The following TRPM3 variants were observed in gnomAD, a reference collection of about 807,000 sequenced individuals.
TRPM3 encodes the protein transient receptor potential cation channel subfamily M member 3, also known as long transient receptor potential channel 3.
Under a neutral mutation model 181.2 loss-of-function variants are expected in TRPM3, and 77 were observed. The observed-to-expected ratio is 0.42, with a 90% CI of 0.35 to 0.51. The LOEUF is 0.51. TRPM3 is among the 20% of genes least tolerant of loss of function. The probability of loss-of-function intolerance (pLI) is 0.01; values close to 1 mark genes in which losing one functional copy is unlikely to be tolerated. For missense variants in TRPM3, 1,759 were observed against 2,196.7 expected, an observed-to-expected ratio of 0.80 and a Z score of 3.98; for synonymous variants, 745 against 796.4, an observed-to-expected ratio of 0.94 and a Z score of 1.09.
At chr9:71,145,365 C>T (rs952282754) in intron 1 of TRPM3, among the ~76,000 whole-genome samples, 1 of 152,148 alleles carries the variant, frequency 6.6e-6, no homozygotes, top group African/African-American at 2.4e-5. Context: ...TTCTGCTGCC[C>T]TTTCCTTTTC....
chr9:71,420,737 A>AGAGAGAGAG (rs2093726721), intron 1 of TRPM3, among the ~76,000 whole-genome samples: 1 of 49,390 alleles, frequency 2.0e-5, no homozygotes, highest in East Asian at 3.5e-4. Context: ...GAGAGAGAGA[A>AGAGAGAGAG]AGAGAGAGAA....
At chr9:71,020,477 GAA>G (rs71367248) in intron 1 of TRPM3, among the ~76,000 whole-genome samples, 17 of 113,674 alleles carry the variant, frequency 1.5e-4, no homozygotes, top group East Asian at 5.0e-4. Flanking sequence ...ACCCCGTCTT[GAA>G]AAAAAAAAAA....
intron 1 of TRPM3, among the ~76,000 whole-genome samples, chr9:71,351,902 G>A (rs1289758563): frequency 7.0e-6 from 1 of 142,184 alleles, no homozygotes; most frequent in Non-Finnish European, 1.5e-5. Context: ...TTGAGACTGA[G>A]TCTTGCTCTG....
intron 1 of TRPM3, among the ~76,000 whole-genome samples, chr9:71,158,408 A>T (rs2076108335): frequency 6.6e-6 from 1 of 152,184 alleles, no homozygotes; most frequent in African/African-American, 2.4e-5. Flanking sequence ...ATATCCAGTA[A>T]GGATGAACAC....
chr9:70,615,834 A>G (rs914788821), intron 18 of TRPM3, 74 bp downstream of exon 18: 14 of 1,457,876 alleles, frequency 9.6e-6, no homozygotes, highest in Non-Finnish European at 1.3e-5. Context: ...GAGTTACTGA[A>G]TCTTGAGCAT....
At chr9:71,347,832 T>A (rs1339671648) in intron 1 of TRPM3, among the ~76,000 whole-genome samples, 1 of 152,090 alleles carries the variant, frequency 6.6e-6, no homozygotes, top group Non-Finnish European at 1.5e-5. Context: ...ACTTTTAAAT[T>A]AAAATTGCAT....
At chr9:70,876,266 C>T (rs961070256) in intron 1 of TRPM3, among the ~76,000 whole-genome samples, 14 of 150,190 alleles carry the variant, frequency 9.3e-5, no homozygotes, top group Non-Finnish European at 7.4e-5. Flanking sequence ...AATATATATA[C>T]ATATACATAC....
At chr9:71,259,902 A>G (rs977184556) in intron 1 of TRPM3, among the ~76,000 whole-genome samples, 2 of 151,994 alleles carry the variant, frequency 1.3e-5, no homozygotes, top group Admixed American at 6.6e-5. Flanking sequence ...CCATTTTACA[A>G]TTTTGGCTTT....
intron 1 of TRPM3, among the ~76,000 whole-genome samples, chr9:71,258,886 T>G (rs974789802): frequency 1.1e-4 from 16 of 152,152 alleles, no homozygotes; most frequent in Non-Finnish European, 1.9e-4. Flanking sequence ...AAAAAATATT[T>G]TAATGGAGCT....
chr9:70,889,339 T>G (rs985179494), intron 1 of TRPM3, among the ~76,000 whole-genome samples: 1 of 152,206 alleles, frequency 6.6e-6, no homozygotes, highest in Non-Finnish European at 1.5e-5. Flanking sequence ...AGACTAGATG[T>G]ACGGCTGAAA....
At chr9:70,846,249 C>A in intron 4 of TRPM3, 129 bp downstream of exon 4, 1 of 817,108 alleles carries the variant, frequency 1.2e-6, no homozygotes, top group Non-Finnish European at 2.0e-6. Flanking sequence ...GAGTGATAAC[C>A]AGCAACTATG....
chr9:70,629,215 C>CGGGTGGCGGCGG (rs2065250202), intron 12 of TRPM3, among the ~76,000 whole-genome samples: 1 of 10,162 alleles, frequency 9.8e-5, no homozygotes, highest in African/African-American at 2.1e-4. Context: ...TGACCAGTGC[C>CGGGTGGCGGCGG]GGGGGGGGGG....
At chr9:71,413,770 T>C (rs1257312130) in intron 1 of TRPM3, among the ~76,000 whole-genome samples, 1 of 152,048 alleles carries the variant, frequency 6.6e-6, no homozygotes, top group East Asian at 1.9e-4. Flanking sequence ...CAAGGTGCCA[T>C]TTTGGAAGCT....
intron 1 of TRPM3, among the ~76,000 whole-genome samples, chr9:70,898,036 C>T (rs2096307661): frequency 6.6e-6 from 1 of 152,006 alleles, no homozygotes; most frequent in Non-Finnish European, 1.5e-5. Flanking sequence ...ACCAGTGATA[C>T]AATAAATGAC....
At chr9:70,576,916 C>G (rs1480967134) in intron 22 of TRPM3, among the ~76,000 whole-genome samples, 1 of 152,196 alleles carries the variant, frequency 6.6e-6, no homozygotes, top group African/African-American at 2.4e-5. Context: ...TTGCTGTTCT[C>G]TCTGTCTGGA....
chr9:71,286,047 C>G (rs954428283), intron 1 of TRPM3, among the ~76,000 whole-genome samples: 1 of 152,048 alleles, frequency 6.6e-6, no homozygotes, highest in East Asian at 1.9e-4. Flanking sequence ...AAAAGTGATT[C>G]ATTTCTGAAA....
At chr9:70,636,692 C>CTTTTTTTT (rs11380206) in intron 11 of TRPM3, among the ~76,000 whole-genome samples, 1 of 135,156 alleles carries the variant, frequency 7.4e-6, no homozygotes. Flanking sequence ...ATAGTGATGG[C>CTTTTTTTT]TTTTTTTTTT....
chr9:70,615,431 G>T (rs1373243105), intron 18 of TRPM3, among the ~76,000 whole-genome samples: 2 of 152,196 alleles, frequency 1.3e-5, no homozygotes. Flanking sequence ...GCTAATAAAA[G>T]CTTTGCATAC....
chr9:70,743,192 CTAA>C (rs1300634669), intron 8 of TRPM3, among the ~76,000 whole-genome samples: 9 of 152,272 alleles, frequency 5.9e-5, no homozygotes, highest in Non-Finnish European at 1.3e-4. Context: ...GAAGGATAGA[CTAA>C]GTCTGGATCA....
Sources: gnomAD v4.1 joint callset for allele counts (sites outside exome capture counted in the v4.1 genomes callset) on GRCh38, gnomAD v4.1.1 for gene constraint, MANE v1.5 for transcripts, NCBI Gene and HGNC (gene_info 2026-07-23, HGNC 2026-07-21) for gene names.